BICDL2: variants seen among roughly 807,000 people sequenced by gnomAD.
BICDL2 encodes the protein BICD family like cargo adaptor 2, also known as BICD family-like cargo adapter 2.
In BICDL2, 62 loss-of-function variants were observed where a neutral mutation model predicts 56.6. The ratio of observed to expected loss-of-function variants is 1.10; its 90% CI spans 0.89 to 1.35. The LOEUF is 1.35. Ranked by LOEUF, BICDL2 falls within the 40% of genes most tolerant of loss-of-function variation. The probability of loss-of-function intolerance (pLI) is 0.00; values close to 1 mark genes in which losing one functional copy is unlikely to be tolerated. For missense variants in BICDL2, 808 were observed against 684.5 expected (o/e 1.18, Z -2.01); for synonymous variants, 358 against 319.8 (o/e 1.12, Z -1.27).
chr16:3,028,327 C>T (rs1955585539), intron 9 of BICDL2, 21 bp downstream of exon 9: 10 of 1,542,804 alleles, frequency 6.5e-6, no homozygotes, highest in East Asian at 2.4e-5. Flanking sequence ...CCCCGCCCCG[C>T]ACACGGGCCC....
intron 1 of BICDL2, chr16:3,035,732 C>G (rs1955726088): frequency 3.5e-6 from 2 of 570,930 alleles, no homozygotes; most frequent in Admixed American, 3.1e-5. Flanking sequence ...AAGGAAATGA[C>G]CTGCCCAGCC....
In BICDL2 at chr16:3,028,518, G is replaced by A. The variant is rs751804200; in HGVS notation, c.1239-50C>T. Reference sequence around the variant, plus strand: ...CGTTTGAGGGCGCTAGGGCCTCAGGGAGCCGGGGTGGCGGGGGACTTCTGT... The same window carrying A: ...CGTTTGAGGGCGCTAGGGCCTCAGGAAGCCGGGGTGGCGGGGGACTTCTGT... On this transcript the variant is annotated intron_variant, in intron 8 of 9. Coordinates refer to ENST00000572449, the MANE Select transcript of BICDL2 (RefSeq NM_001369667.1). 10 of 1,558,534 alleles carry A rather than the reference G, an allele frequency of 6.4e-6. No homozygotes were observed. In the African/African-American group the frequency reaches 6.8e-5, roughly 11 times the overall value.
At chr16:3,035,176 T>TTGGGCCGGGGGGGGGGGGGG in intron 2 of BICDL2, 39 bp downstream of exon 2, 1 of 136,272 alleles carries the variant, frequency 7.3e-6, no homozygotes, top group Non-Finnish European at 1.4e-5. Context: ...CGTCCTCCCC[T>TTGGGCCGGGGGGGGGGGGGG]GCCCACCCAC....
At chr16:3,035,714 G>T (rs1334144591) in intron 1 of BICDL2, 188 bp from the exon 2 acceptor site, 20 of 584,068 alleles carry the variant, frequency 3.4e-5, no homozygotes, top group Non-Finnish European at 5.5e-5. Context: ...AACTGAGGCA[G>T]GAAGCAGAAG....
chr16:3,036,682 G>A (rs1280673507), intron 1 of BICDL2: 2 of 445,922 alleles, frequency 4.5e-6, no homozygotes, highest in Non-Finnish European at 4.4e-6. Flanking sequence ...TAGCTGCCCA[G>A]GTGTTGGGGC....
At chr16:3,031,678 G>A (rs1239597227) in intron 2 of BICDL2, 4 of 402,026 alleles carry the variant, frequency 9.9e-6, no homozygotes, top group Non-Finnish European at 1.8e-5. Flanking sequence ...TGGGGAGGCA[G>A]ATGAATCGGG....
rs771583616 is a variant in BICDL2, at chr16:3,028,199, C to T, written c.1434G>A (p.Ser478=). The T allele has an allele frequency of 1.4e-6, 2 of 1,464,604 alleles. No individual in the cohort carries two copies. Among genetic ancestry groups the T allele is most frequent in the African/African-American group, 1.5e-5 (1 of 67,350 alleles). The allele number at this position is 1,464,604 out of a possible 1,614,324, so 90.7% of individuals were successfully genotyped here. A position where few individuals can be genotyped will look rare whatever the true frequency, so the allele number is the denominator to read the frequency against. Residue 478 remains serine, a synonymous_variant, in exon 10 of 10, where the codon TCG becomes TCA. Coordinates refer to ENST00000572449, the MANE Select transcript of BICDL2 (RefSeq NM_001369667.1). ...GGGGCGCGGCACGGCGCGGGGTCGA[C>T]GACGACGCGGAGGCGCTCAGCTCCT... ...RQKELSASAS[S]STPRRAAPRF...
intron 5 of BICDL2, chr16:3,030,163 G>A (rs922696952): frequency 2.3e-5 from 11 of 484,832 alleles, no homozygotes; most frequent in African/African-American, 2.0e-4. Flanking sequence ...CTTTTTCTCC[G>A]TCTCCATTGC....
intron 2 of BICDL2, 39 bp downstream of exon 2, chr16:3,035,176 T>TTGGCCCGGGGGGGGGGGG: frequency 1.2e-4 from 16 of 136,270 alleles, no homozygotes; most frequent in South Asian, 2.0e-4. Context: ...CGTCCTCCCC[T>TTGGCCCGGGGGGGGGGGG]GCCCACCCAC....
At chr16:3,031,367 C>T (rs1293532335) in intron 2 of BICDL2, 21 of 580,324 alleles carry the variant, frequency 3.6e-5, no homozygotes, top group East Asian at 5.6e-5. Context: ...CGCGTGGGCC[C>T]GGGGCAAGGG....
intron 5 of BICDL2, 29 bp from the exon 6 acceptor site, chr16:3,029,768 G>A (rs1262348797): frequency 2.8e-6 from 4 of 1,451,808 alleles, no homozygotes; most frequent in East Asian, 2.8e-5. Context: ...ACGGAAGCGC[G>A]GGCGGTCAGC....
intron 2 of BICDL2, chr16:3,033,093 T>G (rs1270300862): frequency 6.6e-6 from 1 of 151,620 alleles, no homozygotes; most frequent in Non-Finnish European, 1.5e-5. Flanking sequence ...TCGCCTGAGG[T>G]CAGGAGTTCA....
Position 3,029,546 on chromosome 16 carries a change from G to A in BICDL2, c.956C>T (p.Pro319Leu), listed in dbSNP as rs750413160. 9.0e-6 allele frequency: 14 copies of A among 1,552,954 alleles called. No individual in the cohort carries two copies. The highest frequency in any genetic ancestry group is 1.7e-4 in the Middle Eastern group (1 of 6,004). The change falls in exon 6 of 10, where the codon CCG becomes CTG. Residue 319 changes from proline (P) to leucine (L), a missense_variant and splice_region_variant. Pro to Leu is a moderately conservative substitution (Grantham distance 98). Transcript: ENST00000572449. ...GQGADAPGDT[P>L]TTRSPKTRKA... ...GGGGCTGGGGCCCCACGAGCTCACC[G>A]GGGTGTCTCCGGGTGCGTCGGCGCC...
In BICDL2 at chr16:3,030,772, G is replaced by A; in HGVS notation, c.539C>T (p.Ala180Val). The A allele has an allele frequency of 6.2e-7, 1 of 1,612,356 alleles. No homozygotes were observed. The highest frequency in any genetic ancestry group is 8.5e-7 in the Non-Finnish European group (1 of 1,179,670). Residue 180 changes from alanine to valine, a missense_variant, in exon 4 of 10, where the codon GCC (alanine) becomes GTC (valine). Transcript: ENST00000572449. The stretch of plus-strand genomic sequence containing the variant: ...CTGAGCCTGGCACTGTCCCCGAAGG[G>A]CGTCCAGTTCCCTCTGAAGTTCCTG... ...TEQELQRELD[A>V]LRGQCQAQAL... is the part of the protein sequence containing the mutation.
chr16:3,028,393 G>C lies in BICDL2; in HGVS notation c.1314C>G (p.Ala438=). ...RDSLSRELLR[A]IRQKVALTQE... is the part of the protein sequence containing the mutation. ...GCGTGAGCGCCACCTTCTGGCGGATGGCGCGCAGCAGCTCCCGAGACAGGG... is the reference window on the plus strand; with the variant it reads ...GCGTGAGCGCCACCTTCTGGCGGATCGCGCGCAGCAGCTCCCGAGACAGGG... Residue 438 remains alanine, a synonymous_variant, in exon 9 of 10, where the codon GCC becomes GCG. Transcript: ENST00000572449. The C allele has an allele frequency of 6.4e-7, 1 of 1,552,590 alleles. No homozygotes were observed. The highest frequency in any genetic ancestry group is 1.2e-5 in the South Asian group (1 of 85,858).
chr16:3,028,766 C>T lies in BICDL2; in HGVS notation c.1172G>A (p.Arg391Gln). The change falls in exon 8 of 10, where the codon CGG becomes CAG. Residue 391 changes from arginine to glutamine, a missense_variant. Coordinates refer to ENST00000572449, the MANE Select transcript of BICDL2 (RefSeq NM_001369667.1). ...GGCCTCCCCAGGGTCTTCCTGCGCC[C>T]GCAGCTCCTTCTGCCTCTGCAGCTC... ...REELQRQKEL[R>Q]AQEDPGEALH... 6.4e-7 allele frequency: 1 copy of T among 1,560,050 alleles called. No homozygotes were observed. Among genetic ancestry groups the T allele is most frequent in the Non-Finnish European group, 8.7e-7 (1 of 1,152,276 alleles).
At position 3,029,412 on chromosome 16, in the gene BICDL2, C is replaced by A. The variant is rs1389443815; in HGVS notation, c.975G>T (p.Lys325Asn). The change falls in exon 7 of 10, where the codon AAG becomes AAT. Residue 325 changes from lysine (K) to asparagine (N), a missense_variant. By Grantham distance (94) the Lys-to-Asn change is moderately conservative (BLOSUM62 0). Coordinates refer to ENST00000572449, the MANE Select transcript of BICDL2 (RefSeq NM_001369667.1). Reference sequence around the variant, plus strand: ...GCTGGGGGCTGGACGCCTTTCGGGTCTTTGGGGACCGGGTGGTCTGTGGGC... The same window carrying A: ...GCTGGGGGCTGGACGCCTTTCGGGTATTTGGGGACCGGGTGGTCTGTGGGC... ...PGDTPTTRSP[K>N]TRKASSPQPS... The A allele has an allele frequency of 1.2e-6, 2 of 1,605,248 alleles. No homozygotes were observed. Among genetic ancestry groups the A allele is most frequent in the Non-Finnish European group, 1.7e-6 (2 of 1,178,500 alleles).
At chr16:3,036,422 T>C (rs1307475161) in intron 1 of BICDL2, 1 of 455,624 alleles carries the variant, frequency 2.2e-6, no homozygotes, top group South Asian at 1.6e-5. Flanking sequence ...CACAACAGCT[T>C]TACCAGCCCC....
rs566987864 is a variant in BICDL2, at chr16:3,028,979, T to G, written c.1108-149A>C. ...TGGCCCTGTGCTGGAGACTCCGATA[T>G]GAGCCCTCTGAGCCCCTCAGGCTGG... On this transcript the variant is annotated intron_variant, in intron 7 of 9. Transcript: ENST00000572449. 128 of 1,062,094 alleles carry G rather than the reference T, an allele frequency of 1.2e-4. No homozygotes were observed. The African/African-American group carries it at 1.9e-3, about 16-fold the overall frequency. 65.8% of individuals were successfully genotyped at this position (1,062,094 alleles called of 1,614,324 possible). A position where few individuals can be genotyped will look rare whatever the true frequency, so the allele number is the denominator to read the frequency against.
Sources: gnomAD v4.1 joint callset for allele counts on GRCh38, gnomAD v4.1.1 for gene constraint, MANE v1.5 for transcripts, NCBI Gene and HGNC (gene_info 2026-07-23, HGNC 2026-07-21) for gene names.